DIXDC1: variants seen among roughly 807,000 people sequenced by gnomAD.
DIXDC1 encodes the protein dixin.
DIXDC1 carries 64 observed loss-of-function variants against 103.1 expected under a neutral mutation model. The ratio of observed to expected loss-of-function variants is 0.62; its 90% CI spans 0.51 to 0.76. DIXDC1 has a LOEUF of 0.76. DIXDC1 is among the 30% of genes least tolerant of loss of function. The pLI, the probability that DIXDC1 is intolerant of heterozygous loss-of-function variation, is 0.00. For missense variants in DIXDC1, 759 were observed against 834.2 expected (o/e 0.91, Z 1.11); for synonymous variants, 266 against 298.5 (o/e 0.89, Z 1.12).
In DIXDC1 at chr11:111,980,861, A is replaced by G. The variant is rs1555173185; in HGVS notation, c.769+12A>G. 6.2e-7 allele frequency: 1 copy of G among 1,607,748 alleles called. No homozygotes were observed. The highest frequency in any genetic ancestry group is 1.7e-5 in the Admixed American group (1 of 59,902). ...AGAGAACAGAACAGGTACTATCTCT[A>G]CGCCTGCCTGGGCTGGTTCAAGGAA... is the stretch of plus-strand genomic sequence containing the variant. On this transcript the variant is annotated intron_variant, in intron 6 of 19. Coordinates refer to ENST00000440460, the MANE Select transcript of DIXDC1 (RefSeq NM_001037954.4).
upstream of DIXDC1, among the ~76,000 whole-genome samples, chr11:111,935,891 C>T (rs587695145): frequency 1.3e-5 from 2 of 152,326 alleles, no homozygotes; most frequent in Non-Finnish European, 1.5e-5. Context: ...GGCCCTCTGC[C>T]CCCTGCCTGT....
intron 1 of DIXDC1, among the ~76,000 whole-genome samples, chr11:111,939,367 G>A (rs1046958740): frequency 3.9e-5 from 6 of 152,178 alleles, no homozygotes; most frequent in African/African-American, 1.4e-4. Flanking sequence ...AAAGGGGAAT[G>A]GGAGAGTGGT....
intron 10 of DIXDC1, among the ~76,000 whole-genome samples, chr11:111,989,662 T>G (rs1156704306): frequency 6.6e-6 from 1 of 151,576 alleles, no homozygotes; most frequent in African/African-American, 2.4e-5. Context: ...TTAAAAAAAT[T>G]GTTATTTACT....
intron 17 of DIXDC1, among the ~76,000 whole-genome samples, chr11:112,009,558 C>A (rs956546028): frequency 6.6e-6 from 1 of 152,130 alleles, no homozygotes. Flanking sequence ...CGAAAATCTT[C>A]AATAAAATAC....
In DIXDC1 at chr11:112,017,724, C is replaced by A; in HGVS notation, c.1863-53C>A. The A allele has an allele frequency of 6.8e-7, 1 of 1,462,312 alleles. No homozygotes were observed. Among genetic ancestry groups the A allele is most frequent in the Non-Finnish European group, 9.4e-7 (1 of 1,063,594 alleles). The allele number at this position is 1,462,312 out of a possible 1,614,324, so 90.6% of individuals were successfully genotyped here. ...GCTGTGTTTAAAGTTAACATCTTAT[C>A]TTTCCAGCTATTGATCAACAGTCTA... On this transcript the variant is annotated intron_variant, in intron 18 of 19. Coordinates refer to ENST00000440460, the MANE Select transcript of DIXDC1 (RefSeq NM_001037954.4). This position sits in a 1 kb window ranked among gnomAD's most constrained non-coding sequence, Gnocchi z 4.0.
chr11:111,980,914 C>T (rs782501344), intron 6 of DIXDC1, 65 bp downstream of exon 6: 3 of 1,366,380 alleles, frequency 2.2e-6, no homozygotes, highest in Non-Finnish European at 3.1e-6. Flanking sequence ...TTAGAGGTCC[C>T]CATCACCAAT....
intron 1 of DIXDC1, among the ~76,000 whole-genome samples, chr11:111,929,175 TC>T (rs1965934392): frequency 6.6e-6 from 1 of 151,834 alleles, no homozygotes; most frequent in Non-Finnish European, 1.5e-5. Flanking sequence ...CAAGATTCTG[TC>T]CCCCCAACAA....
chr11:111,996,210 C>T, intron 17 of DIXDC1, 64 bp downstream of exon 17: 1 of 1,431,962 alleles, frequency 7.0e-7, no homozygotes, highest in Non-Finnish European at 9.6e-7. Flanking sequence ...TAGTATTTTT[C>T]ACACTACATT....
At chr11:111,953,930 C>T (rs782162375) in intron 1 of DIXDC1, among the ~76,000 whole-genome samples, 4 of 151,892 alleles carry the variant, frequency 2.6e-5, no homozygotes, top group East Asian at 1.9e-4. Flanking sequence ...ACAAAAGAAA[C>T]GCGTCTGTAC....
In DIXDC1 at chr11:112,005,780, T is replaced by C. The variant is rs183472625; in HGVS notation, c.1756+9634T>C. 1.0e-3 allele frequency among the ~76,000 whole-genome samples: 152 copies of C among 152,294 alleles called. 1 individual carries two copies. The highest frequency in any genetic ancestry group is 3.4e-3 in the African/African-American group (140 of 41,544). The stretch of plus-strand genomic sequence containing the variant: ...AGAAATAGATAAATCTAGTTACAAT[T>C]GGAGGCTTTAATATTTCTTCTTTGC... On this transcript the variant is annotated intron_variant, in intron 17 of 19. Transcript: ENST00000440460.
intron 17 of DIXDC1, among the ~76,000 whole-genome samples, chr11:112,003,798 C>CA (rs59350997): frequency 0.12 from 18,480 of 148,888 alleles, 1,258 homozygotes; most frequent in African/African-American, 0.16. Flanking sequence ...AGCTCTGTCT[C>CA]AAAAAAAAAG....
In DIXDC1 at chr11:111,982,390, C is replaced by T. The variant is rs781933876; in HGVS notation, c.821C>T (p.Thr274Ile). Reference sequence around the variant, plus strand: ...GACTGGCGGCCAGGGAGCCCTGGAACCTATCTGGAGACCTCATGGGAAGAA... The same window carrying T: ...GACTGGCGGCCAGGGAGCCCTGGAATCTATCTGGAGACCTCATGGGAAGAA... ...SRDWRPGSPG[T>I]YLETSWEEQL... Residue 274 changes from threonine to isoleucine, a missense_variant, in exon 7 of 20, where the codon ACC (threonine) becomes ATC (isoleucine). Transcript: ENST00000440460. 1.1e-5 allele frequency: 18 copies of T among 1,613,748 alleles called. No homozygotes were observed. In the East Asian group the frequency reaches 3.8e-4, roughly 34 times the overall value.
intron 17 of DIXDC1, among the ~76,000 whole-genome samples, chr11:112,000,342 A>G (rs1158872480): frequency 6.6e-6 from 1 of 152,162 alleles, no homozygotes; most frequent in African/African-American, 2.4e-5. Context: ...TCAACAGCAA[A>G]AGGACAAACA....
In DIXDC1 at chr11:111,980,923, A is replaced by G. The variant is rs587733952; in HGVS notation, c.769+74A>G. 5.7e-5 allele frequency: 71 copies of G among 1,250,998 alleles called. No individual in the cohort carries two copies. The East Asian group carries it at 7.7e-4, about 14-fold the overall frequency. 77.5% of individuals were successfully genotyped at this position (1,250,998 alleles called of 1,614,324 possible). A position where few individuals can be genotyped will look rare whatever the true frequency, so the allele number is the denominator to read the frequency against. ...AAGAATTTAGAGGTCCCCATCACCA[A>G]TAAGCTCCCTGGCCTTCCCCATCTC... On this transcript the variant is annotated intron_variant, in intron 6 of 19. Transcript: ENST00000440460.
chr11:111,967,348 C>G (rs1859771744), intron 2 of DIXDC1, among the ~76,000 whole-genome samples: 1 of 152,208 alleles, frequency 6.6e-6, no homozygotes, highest in African/African-American at 2.4e-5. Context: ...TATCATTTGC[C>G]TAGGTGTTAA....
rs587727700 is a variant in DIXDC1 at position 112,006,604 on chromosome 11, T to G, written c.1757-10087T>G. Among the ~76,000 whole-genome samples, 22 of 152,254 alleles carry G rather than the reference T, an allele frequency of 1.4e-4. No homozygotes were observed. In the South Asian group the frequency reaches 4.6e-3, roughly 32 times the overall value. ...AGCTTACAGAGGAAGGATCAGGCAA[T>G]ATTTGCTGTTCTGCAATATTTGCTG... On this transcript the variant is annotated intron_variant, in intron 17 of 19. Transcript: ENST00000440460.
rs1555172558 is a variant in DIXDC1 at position 111,975,911 on chromosome 11, C to A, written c.656+928C>A. On this transcript the variant is annotated intron_variant, in intron 5 of 19. Coordinates refer to ENST00000440460, the MANE Select transcript of DIXDC1 (RefSeq NM_001037954.4). The stretch of plus-strand genomic sequence containing the variant: ...TACTGGTAAACTTGCTAACTTTTTA[C>A]CTTTTTTACATTTAATAGCTGTGCT... 4 of 965,304 alleles carry A rather than the reference C, an allele frequency of 4.1e-6. No homozygotes were observed. In the African/African-American group the frequency reaches 5.3e-5, roughly 13 times the overall value. The allele number at this position is 965,304 out of a possible 1,614,324, so 59.8% of individuals were successfully genotyped here.
chr11:111,929,196 T>C (rs587767469), intron 1 of DIXDC1, among the ~76,000 whole-genome samples: 1 of 152,080 alleles, frequency 6.6e-6, no homozygotes, highest in African/African-American at 2.4e-5. Flanking sequence ...AAAAAAAGAA[T>C]TACACATGTT....
chr11:111,960,567 C>G (rs1286539215), intron 1 of DIXDC1, among the ~76,000 whole-genome samples: 1 of 149,338 alleles, frequency 6.7e-6, no homozygotes, highest in Non-Finnish European at 1.5e-5. Context: ...GCACTCCAGC[C>G]TGGGAGACAA....
Sources: allele counts gnomAD v4.1 joint callset (sites outside exome capture counted in the v4.1 genomes callset), GRCh38; gene constraint gnomAD v4.1.1; non-coding constraint Gnocchi (gnomAD v3.1); transcripts MANE v1.5; gene names NCBI Gene and HGNC (gene_info 2026-07-23, HGNC 2026-07-21).